Variants in AEBP2 observed in about 807,000 individuals in gnomAD.
The protein encoded by AEBP2 is AE binding protein 2.
A neutral mutation model predicts 50.8 loss-of-function variants in AEBP2; 10 were observed. That is an observed-to-expected ratio of 0.20 (90% CI 0.12 to 0.33). AEBP2 has a LOEUF of 0.33. AEBP2 is among the 10% of genes least tolerant of loss of function. The pLI is 1.00. For missense variants in AEBP2, 570 were observed against 688.0 expected (o/e 0.83, Z 1.92); for synonymous variants, 296 against 261.3 (o/e 1.13, Z -1.28).
At chr12:19,414,529 C>A (rs754987328) in intron 1 of AEBP2, among the ~76,000 whole-genome samples, 1 of 152,132 alleles carries the variant, frequency 6.6e-6, no homozygotes, top group African/African-American at 2.4e-5. Context: ...GATGCAAAAG[C>A]TAAGGAGGCA....
intron 2 of AEBP2, among the ~76,000 whole-genome samples, chr12:19,469,906 A>T (rs1948544535): frequency 6.6e-6 from 1 of 152,220 alleles, no homozygotes; most frequent in Admixed American, 6.5e-5. Flanking sequence ...ATATTCTTGA[A>T]CATACTTCTT....
chr12:19,478,541 A>T (rs1177960223), intron 3 of AEBP2, among the ~76,000 whole-genome samples: 1 of 152,082 alleles, frequency 6.6e-6, no homozygotes, highest in East Asian at 1.9e-4. Flanking sequence ...CCACCTGCCT[A>T]GGCCTCCTAA....
At chr12:19,444,426 A>G (rs941302461) in intron 1 of AEBP2, among the ~76,000 whole-genome samples, 1 of 152,220 alleles carries the variant, frequency 6.6e-6, no homozygotes, top group Non-Finnish European at 1.5e-5. Flanking sequence ...TAGCTATTGA[A>G]TCAGTTAATA....
At chr12:19,411,467 T>C (rs1181899462) in intron 1 of AEBP2, among the ~76,000 whole-genome samples, 1 of 152,148 alleles carries the variant, frequency 6.6e-6, no homozygotes, top group Non-Finnish European at 1.5e-5. Context: ...CTTTGGTTCT[T>C]AGCTCTTACT....
chr12:19,433,256 C>T (rs1035813003), intron 1 of AEBP2, among the ~76,000 whole-genome samples: 6 of 151,556 alleles, frequency 4.0e-5, no homozygotes, highest in African/African-American at 1.2e-4. Flanking sequence ...GGTGTGGTGG[C>T]GCATGCCTGT....
At chr12:19,412,469 G>C (rs1342454193) in intron 1 of AEBP2, among the ~76,000 whole-genome samples, 1 of 151,896 alleles carries the variant, frequency 6.6e-6, no homozygotes, top group Non-Finnish European at 1.5e-5. Context: ...TAGTAGAGAA[G>C]GGGTTTCACC....
chr12:19,467,562 G>A (rs1948499621), intron 2 of AEBP2, among the ~76,000 whole-genome samples: 1 of 152,096 alleles, frequency 6.6e-6, no homozygotes, highest in Admixed American at 6.5e-5. Context: ...CCAAAGTGCT[G>A]GGATTACAGG....
chr12:19,456,183 A>C, intron 1 of AEBP2: 2 of 1,165,128 alleles, frequency 1.7e-6, no homozygotes, highest in Non-Finnish European at 2.4e-6. Flanking sequence ...TGAAACAAAC[A>C]GTTCTGAGAC....
At chr12:19,422,722 G>A (rs971748917) in intron 1 of AEBP2, among the ~76,000 whole-genome samples, 1 of 151,916 alleles carries the variant, frequency 6.6e-6, no homozygotes, top group Non-Finnish European at 1.5e-5. Context: ...ATATGGGAGG[G>A]TAGAAAGATT....
intron 7 of AEBP2, among the ~76,000 whole-genome samples, chr12:19,516,056 G>C (rs970700936): frequency 6.6e-6 from 1 of 152,186 alleles, no homozygotes; most frequent in Non-Finnish European, 1.5e-5. Context: ...CTGCACTCCA[G>C]CCTGGCTGAC....
chr12:19,468,298 CCTAT>C (rs1301551441), intron 2 of AEBP2, among the ~76,000 whole-genome samples: 1 of 152,060 alleles, frequency 6.6e-6, no homozygotes, highest in Non-Finnish European at 1.5e-5. Flanking sequence ...ACTCACCTGG[CCTAT>C]CTGACTTTAG....
chr12:19,440,521 TCGC>T, intron 1 of AEBP2, 151 bp downstream of exon 1: 1 of 1,381,422 alleles, frequency 7.2e-7, no homozygotes, highest in Non-Finnish European at 9.4e-7. Context: ...TCTCTCGCCG[TCGC>T]CGCCGCGCCC....
chr12:19,468,146 G>GTGTGTGTGTGTGTGTGTA, intron 2 of AEBP2, among the ~76,000 whole-genome samples: 1 of 147,532 alleles, frequency 6.8e-6, no homozygotes, highest in Admixed American at 6.7e-5. Flanking sequence ...GTGTGTGTGT[G>GTGTGTGTGTGTGTGTGTA]TGTGTGTGTG....
chr12:19,419,508 G>C (rs1025694489), intron 1 of AEBP2, among the ~76,000 whole-genome samples: 24 of 152,122 alleles, frequency 1.6e-4, no homozygotes, highest in African/African-American at 5.5e-4. Context: ...AGAATCGCTT[G>C]AACCCAGGAG....
chr12:19,481,997 A>C (rs980281445), intron 3 of AEBP2, among the ~76,000 whole-genome samples: 6 of 152,122 alleles, frequency 3.9e-5, no homozygotes, highest in African/African-American at 1.4e-4. Flanking sequence ...CTTGGTTTGG[A>C]TACATTACTG....
chr12:19,451,113 A>G (rs1383177220), intron 1 of AEBP2, among the ~76,000 whole-genome samples: 5 of 152,232 alleles, frequency 3.3e-5, no homozygotes, highest in Non-Finnish European at 7.3e-5. Flanking sequence ...TACACATCAA[A>G]CATTGTTCCA....
At chr12:19,419,929 T>C (rs910295597) in intron 1 of AEBP2, among the ~76,000 whole-genome samples, 8 of 152,040 alleles carry the variant, frequency 5.3e-5, no homozygotes, top group Admixed American at 4.6e-4. Flanking sequence ...GACTCCGTCC[T>C]TCCAAAACAT....
At chr12:19,423,510 T>G (rs2095746933) in intron 1 of AEBP2, among the ~76,000 whole-genome samples, 1 of 152,022 alleles carries the variant, frequency 6.6e-6, no homozygotes, top group Non-Finnish European at 1.5e-5. Flanking sequence ...GGTTAATACA[T>G]TTGGAATAAT....
chr12:19,457,740 G>A (rs761560164), intron 1 of AEBP2: 86 of 692,430 alleles, frequency 1.2e-4, no homozygotes, highest in Non-Finnish European at 1.6e-4. Context: ...AGATCTTTTC[G>A]GTTCCTACTA....
Sources: allele counts gnomAD v4.1 joint callset (sites outside exome capture counted in the v4.1 genomes callset), GRCh38; gene constraint gnomAD v4.1.1; transcripts MANE v1.5; gene names NCBI Gene and HGNC (gene_info 2026-07-23, HGNC 2026-07-21).